SPAG16: variants seen among roughly 807,000 people sequenced by gnomAD.
SPAG16 encodes the protein sperm associated antigen 16.
In SPAG16, 86 loss-of-function variants were observed where a neutral mutation model predicts 80.4. That is an observed-to-expected ratio of 1.07 (90% CI 0.90 to 1.28). The LOEUF is 1.28. Ranked by LOEUF, SPAG16 falls within the 50% of genes most tolerant of loss-of-function variation. The pLI, the probability that SPAG16 is intolerant of heterozygous loss-of-function variation, is 0.00. For missense variants in SPAG16, 870 were observed against 765.3 expected (o/e 1.14, Z -1.61); for synonymous variants, 294 against 265.9 (o/e 1.11, Z -1.03).
At chr2:213,981,486 T>G (rs552371178) in intron 12 of SPAG16, among the ~76,000 whole-genome samples, 2 of 152,242 alleles carry the variant, frequency 1.3e-5, no homozygotes, top group African/African-American at 4.8e-5. Flanking sequence ...GATTATAATA[T>G]GGAGTTTCAT....
chr2:213,896,592 G>GCGCACACA (rs57025359), intron 11 of SPAG16, among the ~76,000 whole-genome samples: 10,964 of 111,770 alleles, frequency 0.098, 627 homozygotes, highest in Middle Eastern at 0.26. Flanking sequence ...ACACACACAC[G>GCGCACACA]CACACACACA....
Position 213,431,515 on chromosome 2 carries a change from CATT to C in SPAG16, c.942+56399_942+56401del, listed in dbSNP as rs763271447. ...GAAACTGTAAAAAAAAAGAAAAAGTCATTATATAATGATAAAGGGATTAATTCA... is the reference window on the plus strand; with the variant it reads ...GAAACTGTAAAAAAAAAGAAAAAGTCATATAATGATAAAGGGATTAATTCA... On this transcript the variant is annotated intron_variant, in intron 9 of 15. Transcript: ENST00000331683. Among the ~76,000 whole-genome samples, 26 of 151,798 alleles carry C rather than the reference CATT, an allele frequency of 1.7e-4. No individual in the cohort carries two copies. In the South Asian group the frequency reaches 1.9e-3, roughly 11 times the overall value.
At chr2:214,218,591 T>C (rs552816627) in intron 15 of SPAG16, among the ~76,000 whole-genome samples, 5 of 152,318 alleles carry the variant, frequency 3.3e-5, no homozygotes, top group African/African-American at 1.2e-4. Context: ...AAGAGATACT[T>C]GTACAATAAC....
At chr2:214,294,671 C>T (rs774199931) in intron 15 of SPAG16, among the ~76,000 whole-genome samples, 7 of 152,198 alleles carry the variant, frequency 4.6e-5, no homozygotes, top group African/African-American at 1.7e-4. Context: ...AGCAGCAAGT[C>T]ATGAATTTAG....
At chr2:213,939,013 C>G (rs549355278) in intron 12 of SPAG16, among the ~76,000 whole-genome samples, 2 of 152,012 alleles carry the variant, frequency 1.3e-5, no homozygotes, top group Non-Finnish European at 2.9e-5. Flanking sequence ...GGTAAAAAGA[C>G]CATACCATCT....
intron 10 of SPAG16, among the ~76,000 whole-genome samples, chr2:213,535,969 G>A (rs2076230938): frequency 1.3e-5 from 2 of 151,934 alleles, no homozygotes; most frequent in South Asian, 4.1e-4. Flanking sequence ...AAATTTTAAA[G>A]GAAATTTACA....
At chr2:213,735,706 G>T (rs2067251538) in intron 10 of SPAG16, among the ~76,000 whole-genome samples, 1 of 152,208 alleles carries the variant, frequency 6.6e-6, no homozygotes, top group Non-Finnish European at 1.5e-5. Context: ...TAAAAGAGGG[G>T]AATGGGTGGG....
chr2:213,630,143 G>T (rs1211962792), intron 10 of SPAG16, among the ~76,000 whole-genome samples: 1 of 152,138 alleles, frequency 6.6e-6, no homozygotes, highest in Non-Finnish European at 1.5e-5. Context: ...CAGCACTTTG[G>T]GAGGCTGAGG....
intron 10 of SPAG16, among the ~76,000 whole-genome samples, chr2:213,855,646 C>T (rs949560268): frequency 2.6e-5 from 4 of 152,030 alleles, no homozygotes; most frequent in Admixed American, 1.3e-4. Flanking sequence ...CTGGGGAGAC[C>T]GCAGGAAATT....
chr2:214,243,584 T>C (rs1689638738), intron 15 of SPAG16, among the ~76,000 whole-genome samples: 1 of 152,108 alleles, frequency 6.6e-6, no homozygotes, highest in Non-Finnish European at 1.5e-5. Flanking sequence ...AAAGAATTAA[T>C]TTCTGACTAT....
At chr2:214,298,561 A>G (rs573361331) in intron 15 of SPAG16, among the ~76,000 whole-genome samples, 1 of 152,336 alleles carries the variant, frequency 6.6e-6, no homozygotes, top group East Asian at 1.9e-4. Context: ...GATTTTATCT[A>G]TAGTACAGAA....
At chr2:213,357,455 A>G (rs1376102444) in intron 7 of SPAG16, among the ~76,000 whole-genome samples, 1 of 152,146 alleles carries the variant, frequency 6.6e-6, no homozygotes, top group Non-Finnish European at 1.5e-5. Flanking sequence ...TTGGGTGCAT[A>G]TATATTTAGG....
At chr2:213,516,432 C>A (rs2075426124) in intron 10 of SPAG16, among the ~76,000 whole-genome samples, 1 of 152,062 alleles carries the variant, frequency 6.6e-6, no homozygotes, top group East Asian at 1.9e-4. Context: ...CTTAGTGCTT[C>A]TTTATTTTTA....
At chr2:213,831,458 C>A (rs961857484) in intron 10 of SPAG16, among the ~76,000 whole-genome samples, 5 of 151,404 alleles carry the variant, frequency 3.3e-5, no homozygotes, top group African/African-American at 1.2e-4. Context: ...TCCTTTCTTA[C>A]ATTTGTGTCA....
At chr2:214,247,488 G>T (rs547413271) in intron 15 of SPAG16, among the ~76,000 whole-genome samples, 2 of 152,174 alleles carry the variant, frequency 1.3e-5, no homozygotes, top group South Asian at 2.1e-4. Context: ...GTAAATGTTT[G>T]CTGACTGAAT....
intron 2 of SPAG16, among the ~76,000 whole-genome samples, chr2:213,296,341 C>A (rs1351520201): frequency 6.6e-6 from 1 of 152,076 alleles, no homozygotes; most frequent in Non-Finnish European, 1.5e-5. Context: ...GTTAATCGTC[C>A]TTCAGGTTCA....
At chr2:214,094,810 A>G (rs1311419416) in intron 13 of SPAG16, among the ~76,000 whole-genome samples, 2 of 152,064 alleles carry the variant, frequency 1.3e-5, no homozygotes, top group Admixed American at 1.3e-4. Context: ...TGATTTGTCT[A>G]TTTTAGTTTC....
intron 10 of SPAG16, among the ~76,000 whole-genome samples, chr2:213,701,157 T>A (rs1240590429): frequency 1.8e-4 from 28 of 152,102 alleles, no homozygotes; most frequent in Non-Finnish European, 1.6e-4. Flanking sequence ...GGAGAATCGC[T>A]TGAACCCAAG....
intron 7 of SPAG16, among the ~76,000 whole-genome samples, chr2:213,355,046 T>A (rs1307373203): frequency 6.6e-6 from 1 of 152,170 alleles, no homozygotes; most frequent in Non-Finnish European, 1.5e-5. Flanking sequence ...TTGTATAAGG[T>A]GTAAAGAAGG....
Sources: allele counts gnomAD v4.1 joint callset (sites outside exome capture counted in the v4.1 genomes callset), GRCh38; gene constraint gnomAD v4.1.1; transcripts MANE v1.5; gene names NCBI Gene and HGNC (gene_info 2026-07-23, HGNC 2026-07-21).